Variants in BMP2K observed in about 807,000 individuals in gnomAD.
The protein encoded by BMP2K is BMP-2-inducible protein kinase.
Under a neutral mutation model 116.0 loss-of-function variants are expected in BMP2K, and 74 were observed. That is an observed-to-expected ratio of 0.64 (90% CI 0.53 to 0.77). The LOEUF is 0.77. Ranked by LOEUF, BMP2K falls within the 30% of genes least tolerant of loss-of-function variation. The pLI, the probability that BMP2K is intolerant of heterozygous loss-of-function variation, is 0.00. For missense variants in BMP2K, 1,365 were observed against 1,403.6 expected, an observed-to-expected ratio of 0.97 and a Z score of 0.44; for synonymous variants, 486 against 502.5, an observed-to-expected ratio of 0.97 and a Z score of 0.44.
intron 1 of BMP2K, among the ~76,000 whole-genome samples, chr4:78,779,238 T>A (rs1727391442): frequency 6.6e-6 from 1 of 152,244 alleles, no homozygotes; most frequent in Admixed American, 6.5e-5. Flanking sequence ...ACAACCTTGT[T>A]TTATGTCTGT....
chr4:78,870,680 A>C, intron 10 of BMP2K, 103 bp from the exon 11 acceptor site: 1 of 1,415,566 alleles, frequency 7.1e-7, no homozygotes, highest in East Asian at 2.4e-5. Context: ...AAATAAGGAT[A>C]TAAATGCCTT....
At chr4:78,889,833 A>G (rs1239563831) in intron 15 of BMP2K, among the ~76,000 whole-genome samples, 1 of 152,246 alleles carries the variant, frequency 6.6e-6, no homozygotes, top group Admixed American at 6.5e-5. Context: ...TTTAATTTTT[A>G]GTAAACCATA....
At chr4:78,805,290 T>TACC (rs1262035398) in intron 1 of BMP2K, among the ~76,000 whole-genome samples, 1 of 152,218 alleles carries the variant, frequency 6.6e-6, no homozygotes, top group African/African-American at 2.4e-5. Flanking sequence ...CTTCTACCAG[T>TACC]ACCACACTGT....
Position 78,914,024 on chromosome 4 carries a change from T to C in BMP2K, c.*1991T>C. On this transcript the variant is annotated 3_prime_UTR_variant, in exon 16 of 16. Coordinates refer to ENST00000502613, the MANE Select transcript of BMP2K (RefSeq NM_198892.2). ...TCTTTTAAAAGTGAAGAGTTGATGA[T>C]TACACATAGTAAATTCATGAACTAC... is the stretch of plus-strand genomic sequence containing the variant. The C allele has an allele frequency of 6.6e-6, 1 of 152,096 alleles. No individual in the cohort carries two copies. The highest frequency in any genetic ancestry group is 1.9e-4 in the East Asian group (1 of 5,198). 9.4% of individuals were successfully genotyped at this position (152,096 alleles called of 1,614,324 possible).
chr4:78,806,159 TA>T (rs113098113), intron 1 of BMP2K, among the ~76,000 whole-genome samples: 29,106 of 151,902 alleles, frequency 0.19, 6,034 homozygotes, highest in African/African-American at 0.52. Context: ...TGTGTATTCT[TA>T]TAGGTTTTCC....
At chr4:78,805,798 C>T (rs1292494502) in intron 1 of BMP2K, among the ~76,000 whole-genome samples, 1 of 151,930 alleles carries the variant, frequency 6.6e-6, no homozygotes, top group East Asian at 1.9e-4. Flanking sequence ...AGTGAAACCT[C>T]GTCTCTACTA....
intron 1 of BMP2K, among the ~76,000 whole-genome samples, chr4:78,782,981 G>A (rs1013128917): frequency 3.3e-5 from 5 of 152,178 alleles, no homozygotes; most frequent in African/African-American, 9.7e-5. Flanking sequence ...AAGATAATGT[G>A]TGACAGTACC....
chr4:78,853,940 G>A (rs894644442), intron 7 of BMP2K, among the ~76,000 whole-genome samples: 2 of 152,002 alleles, frequency 1.3e-5, no homozygotes, highest in African/African-American at 2.4e-5. Context: ...CTGGATAGGG[G>A]CAGGACATGC....
At chr4:78,843,300 T>G (rs1041357349) in intron 4 of BMP2K, among the ~76,000 whole-genome samples, 4 of 151,950 alleles carry the variant, frequency 2.6e-5, no homozygotes, top group Non-Finnish European at 5.9e-5. Context: ...TAGCCTAACC[T>G]GCTGCACCTT....
At chr4:78,894,101 C>T (rs1733578902) in intron 15 of BMP2K, among the ~76,000 whole-genome samples, 1 of 152,152 alleles carries the variant, frequency 6.6e-6, no homozygotes, top group Non-Finnish European at 1.5e-5. Context: ...GTGATGTCAT[C>T]CAGGCTTTGT....
intron 2 of BMP2K, among the ~76,000 whole-genome samples, chr4:78,827,721 A>G (rs1207075868): frequency 6.6e-6 from 1 of 152,108 alleles, no homozygotes; most frequent in Non-Finnish European, 1.5e-5. Flanking sequence ...AACCTCAAAC[A>G]CAGGGGCTTC....
At chr4:78,873,720 G>A (rs1489237621) in intron 13 of BMP2K, among the ~76,000 whole-genome samples, 1 of 151,834 alleles carries the variant, frequency 6.6e-6, no homozygotes, top group East Asian at 1.9e-4. Flanking sequence ...ATGCATGCAT[G>A]TGTGTGCACA....
At position 78,838,218 on chromosome 4, in the gene BMP2K, A is replaced by G. The variant is rs568362696; in HGVS notation, c.404-4167A>G. ...TCGGATGTCGTGAGACTTATTCACC[A>G]TCACGAGAACAGCACAGGAAAGACT... is the stretch of plus-strand genomic sequence containing the variant. On this transcript the variant is annotated intron_variant, in intron 3 of 15. Coordinates refer to ENST00000502613, the MANE Select transcript of BMP2K (RefSeq NM_198892.2). Among the ~76,000 whole-genome samples the G allele has an allele frequency of 1.6e-4, 24 of 152,334 alleles. No individual in the cohort carries two copies. The South Asian group carries it at 5.0e-3, about 32-fold the overall frequency.
intron 1 of BMP2K, among the ~76,000 whole-genome samples, chr4:78,779,994 A>G (rs1727427637): frequency 6.6e-6 from 1 of 152,148 alleles, no homozygotes; most frequent in Non-Finnish European, 1.5e-5. Flanking sequence ...GGAGAGCGGT[A>G]TGTTGGTTTT....
chr4:78,799,661 G>A (rs2109952405), intron 1 of BMP2K, among the ~76,000 whole-genome samples: 1 of 152,278 alleles, frequency 6.6e-6, no homozygotes, highest in South Asian at 2.1e-4. Context: ...ATGTTTGTAA[G>A]GCTGTGTCTA....
chr4:78,905,966 A>T (rs192883378), intron 15 of BMP2K: 1 of 152,096 alleles, frequency 6.6e-6, no homozygotes, highest in Non-Finnish European at 1.5e-5. Context: ...ACAGTCTTTT[A>T]TGTCTATGGA....
chr4:78,803,052 G>A (rs1294535172), intron 1 of BMP2K, among the ~76,000 whole-genome samples: 1 of 151,942 alleles, frequency 6.6e-6, no homozygotes, highest in Non-Finnish European at 1.5e-5. Flanking sequence ...GTTTCACCAT[G>A]TTGGTTAGGC....
intron 1 of BMP2K, among the ~76,000 whole-genome samples, chr4:78,823,540 ATATATATAGT>A (rs1464548344): frequency 6.1e-5 from 9 of 146,938 alleles, no homozygotes; most frequent in African/African-American, 7.4e-5. Context: ...ATATATGGTT[ATATATATAGT>A]TATATATAGT....
chr4:78,782,840 A>G (rs1014763314), intron 1 of BMP2K, among the ~76,000 whole-genome samples: 5 of 152,166 alleles, frequency 3.3e-5, no homozygotes, highest in African/African-American at 9.7e-5. Flanking sequence ...ACCAAGGTCT[A>G]TTCACCTGTG....
Sources: allele counts gnomAD v4.1 joint callset (sites outside exome capture counted in the v4.1 genomes callset), GRCh38; gene constraint gnomAD v4.1.1; transcripts MANE v1.5; gene names NCBI Gene and HGNC (gene_info 2026-07-23, HGNC 2026-07-21).